ATP6V0A4: variants seen among roughly 807,000 people sequenced by gnomAD.
The protein encoded by ATP6V0A4 is V-type proton ATPase 116 kDa subunit a 4.
ATP6V0A4 carries 86 observed loss-of-function variants against 107.3 expected under a neutral mutation model. The observed-to-expected ratio is 0.80, with a 90% confidence interval of 0.67 to 0.96. The LOEUF (loss-of-function observed/expected upper bound fraction) is 0.96. Ranked by LOEUF, ATP6V0A4 falls within the 40% of genes least tolerant of loss-of-function variation. The probability of loss-of-function intolerance (pLI) is 0.00; values close to 1 mark genes in which losing one functional copy is unlikely to be tolerated. For missense variants in ATP6V0A4, 908 were observed against 1,045.6 expected (o/e 0.87, Z 1.81); for synonymous variants, 353 against 381.4 (o/e 0.93, Z 0.87).
At chr7:138,760,460 A>AAAAAAAAAG (rs1806752736) in intron 7 of ATP6V0A4, among the ~76,000 whole-genome samples, 3 of 145,012 alleles carry the variant, frequency 2.1e-5, no homozygotes, top group African/African-American at 7.8e-5. Context: ...AAAAAAAAAA[A>AAAAAAAAAG]AAAAGAATAT....
intron 7 of ATP6V0A4, among the ~76,000 whole-genome samples, chr7:138,761,726 C>T (rs1427653093): frequency 6.6e-6 from 1 of 152,072 alleles, no homozygotes; most frequent in Non-Finnish European, 1.5e-5. Context: ...GTCGCCCAGG[C>T]TAGAGTGCAG....
At chr7:138,784,777 A>G (rs1296903945) in intron 2 of ATP6V0A4, among the ~76,000 whole-genome samples, 1 of 152,196 alleles carries the variant, frequency 6.6e-6, no homozygotes, top group East Asian at 1.9e-4. Flanking sequence ...TTGGTGTTTC[A>G]GGCCACTGTT....
At chr7:138,754,115 G>A (rs1806383808) in intron 10 of ATP6V0A4, among the ~76,000 whole-genome samples, 2 of 152,288 alleles carry the variant, frequency 1.3e-5, no homozygotes, top group Non-Finnish European at 2.9e-5. Context: ...GGGAAACAGT[G>A]TTCCTGACAA....
intron 20 of ATP6V0A4, among the ~76,000 whole-genome samples, chr7:138,710,824 G>GA (rs1803700896): frequency 6.6e-6 from 1 of 152,054 alleles, no homozygotes; most frequent in Admixed American, 6.6e-5. Context: ...TGCACACAGA[G>GA]ACGCCCAACA....
intron 2 of ATP6V0A4, 26 bp downstream of exon 2, chr7:138,786,132 C>T (rs1808167645): frequency 1.3e-5 from 2 of 152,762 alleles, no homozygotes; most frequent in African/African-American, 2.4e-5. Context: ...AGCCCTCCAG[C>T]TTCCCTCTTC....
intron 1 of ATP6V0A4, among the ~76,000 whole-genome samples, chr7:138,792,447 T>C (rs1294820225): frequency 2.6e-5 from 4 of 152,134 alleles, no homozygotes; most frequent in Non-Finnish European, 5.9e-5. Context: ...TAAAATAATC[T>C]TAAAAAGCAA....
At chr7:138,755,649 G>T in intron 10 of ATP6V0A4, 40 bp downstream of exon 10, 1 of 1,611,102 alleles carries the variant, frequency 6.2e-7, no homozygotes, top group Non-Finnish European at 8.5e-7. Flanking sequence ...CAGCCCTCCT[G>T]CAGCTGCCAT....
rs144316274 is a variant in ATP6V0A4 at position 138,740,039 on chromosome 7, G to C, written c.1479-406C>G. Among the ~76,000 whole-genome samples the C allele has an allele frequency of 7.2e-3, 1,077 of 149,314 alleles. 18 individuals carry two copies. Among genetic ancestry groups the C allele is most frequent in the African/African-American group, 0.025 (1,008 of 40,596 alleles). ...GAGCCTGGGAGGTCAAGGCTGCAGT[G>C]AGCCATGATTGTACCACTGCACTCC... On this transcript the variant is annotated intron_variant, in intron 14 of 21. Coordinates refer to ENST00000310018, the MANE Select transcript of ATP6V0A4 (RefSeq NM_020632.3).
intron 20 of ATP6V0A4, among the ~76,000 whole-genome samples, chr7:138,715,283 C>A (rs1367980037): frequency 1.3e-5 from 2 of 152,178 alleles, no homozygotes; most frequent in East Asian, 3.9e-4. Context: ...CTCACTGCGA[C>A]CTCTGCCTTC....
At chr7:138,784,265 TAC>T (rs1374750327) in intron 2 of ATP6V0A4, among the ~76,000 whole-genome samples, 1 of 52,976 alleles carries the variant, frequency 1.9e-5, no homozygotes, top group African/African-American at 6.2e-5. Flanking sequence ...TATATATATA[TAC>T]ATATATATAT....
At chr7:138,709,003 G>A (rs373554376) in intron 21 of ATP6V0A4, among the ~76,000 whole-genome samples, 1 of 152,254 alleles carries the variant, frequency 6.6e-6, no homozygotes, top group East Asian at 1.9e-4. Flanking sequence ...GAGGCCAAGA[G>A]TTCGAGACCA....
rs537750119 is a variant in ATP6V0A4 at position 138,725,692 on chromosome 7, T to A, written c.2010+3069A>T. ...CCACGCCGGCTAATTTTTGTATTTT[T>A]AGTAGAGACAGGGTTTCACCATGTT... is the stretch of plus-strand genomic sequence containing the variant. On this transcript the variant is annotated intron_variant, in intron 18 of 21. Coordinates refer to ENST00000310018, the MANE Select transcript of ATP6V0A4 (RefSeq NM_020632.3). Among the ~76,000 whole-genome samples, 3 of 152,146 alleles carry A rather than the reference T, an allele frequency of 2.0e-5. No individual in the cohort carries two copies. In the East Asian group the frequency reaches 5.8e-4, roughly 30 times the overall value.
In ATP6V0A4 at chr7:138,762,626, C is replaced by T; in HGVS notation, c.418-192G>A. On this transcript the variant is annotated intron_variant, in intron 6 of 21. Coordinates refer to ENST00000310018, the MANE Select transcript of ATP6V0A4 (RefSeq NM_020632.3). The stretch of plus-strand genomic sequence containing the variant: ...GTCTTTTCCTACCAAAACCCTAAAA[C>T]TTCTCAAACCAACTGCTGTGCTTGG... The T allele has an allele frequency of 7.6e-6, 5 of 655,978 alleles. No individual in the cohort carries two copies. The South Asian group carries it at 2.1e-4, about 27-fold the overall frequency. 40.6% of individuals were successfully genotyped at this position (655,978 alleles called of 1,614,324 possible).
intron 2 of ATP6V0A4, among the ~76,000 whole-genome samples, chr7:138,784,633 T>C (rs1808101111): frequency 6.6e-6 from 1 of 152,116 alleles, no homozygotes; most frequent in African/African-American, 2.4e-5. Flanking sequence ...ATAATATTTT[T>C]ATATACTCTC....
At position 138,747,616 on chromosome 7, in the gene ATP6V0A4, C is replaced by T. The variant is rs139209868; in HGVS notation, c.1181-52G>A. On this transcript the variant is annotated intron_variant, in intron 12 of 21. Coordinates refer to ENST00000310018, the MANE Select transcript of ATP6V0A4 (RefSeq NM_020632.3). ...GAGGCCTCAGCACAGCCTCGGGGCCCCCACCTCAGATTCCCTGCCACAGCT... is the reference window on the plus strand; with the variant it reads ...GAGGCCTCAGCACAGCCTCGGGGCCTCCACCTCAGATTCCCTGCCACAGCT... The T allele has an allele frequency of 6.5e-5, 104 of 1,602,874 alleles. No individual in the cohort carries two copies. The East Asian group carries it at 6.7e-4, about 10-fold the overall frequency.
In ATP6V0A4 at chr7:138,743,212, C is replaced by T. The variant is rs1050135927; in HGVS notation, c.1478+1911G>A. Among the ~76,000 whole-genome samples the T allele has an allele frequency of 2.0e-5, 3 of 152,100 alleles. No individual in the cohort carries two copies. In the South Asian group the frequency reaches 6.2e-4, roughly 32 times the overall value. Reference sequence around the variant, plus strand: ...GTGGCTCATGCCTGTAATCCTAGCACTTTGGGAGGCTGAGGCAGGTGGATC... The same window carrying T: ...GTGGCTCATGCCTGTAATCCTAGCATTTTGGGAGGCTGAGGCAGGTGGATC... On this transcript the variant is annotated intron_variant, in intron 14 of 21. Coordinates refer to ENST00000310018, the MANE Select transcript of ATP6V0A4 (RefSeq NM_020632.3).
chr7:138,757,817 G>A (rs1466123187), intron 8 of ATP6V0A4, among the ~76,000 whole-genome samples: 1 of 152,180 alleles, frequency 6.6e-6, no homozygotes, highest in Non-Finnish European at 1.5e-5. Context: ...AAAATAGATA[G>A]TCAACGTCAC....
At chr7:138,737,242 G>A (rs1307305104) in intron 15 of ATP6V0A4, among the ~76,000 whole-genome samples, 1 of 151,072 alleles carries the variant, frequency 6.6e-6, no homozygotes, top group Non-Finnish European at 1.5e-5. Context: ...GCTGGTGGGA[G>A]ATCATTGAAT....
intron 5 of ATP6V0A4, among the ~76,000 whole-genome samples, chr7:138,767,886 T>C (rs942692855): frequency 2.0e-5 from 3 of 152,214 alleles, no homozygotes; most frequent in African/African-American, 4.8e-5. Context: ...GTCATGTTTA[T>C]TTCTAAGCTA....
Sources: gnomAD v4.1 joint callset for allele counts (sites outside exome capture counted in the v4.1 genomes callset) on GRCh38, gnomAD v4.1.1 for gene constraint, MANE v1.5 for transcripts, NCBI Gene and HGNC (gene_info 2026-07-23, HGNC 2026-07-21) for gene names.